The following ANO4 variants were observed in gnomAD, a reference collection of about 807,000 sequenced individuals.
The protein encoded by ANO4 is anoctamin-4.
A neutral mutation model predicts 141.9 loss-of-function variants in ANO4; 69 were observed. The observed-to-expected ratio is 0.49, with a 90% CI of 0.40 to 0.59. The LOEUF (loss-of-function observed/expected upper bound fraction) is 0.59. Ranked by LOEUF, ANO4 falls within the 20% of genes least tolerant of loss-of-function variation. The pLI is 0.00. For missense variants in ANO4, 894 were observed against 1,162.2 expected (o/e 0.77, Z 3.36); for synonymous variants, 350 against 394.3 (o/e 0.89, Z 1.33).
At chr12:101,079,142 C>CT in intron 14 of ANO4, 51 bp from the exon 15 acceptor site, 1 of 1,505,952 alleles carries the variant, frequency 6.6e-7, no homozygotes. Context: ...AGTTAAGAGC[C>CT]TTGTTTTACT....
chr12:100,905,487 T>A (rs1221386826), intron 2 of ANO4, among the ~76,000 whole-genome samples: 2 of 152,220 alleles, frequency 1.3e-5, no homozygotes, highest in African/African-American at 4.8e-5. Flanking sequence ...CTAAATGTTA[T>A]TGAAAGTCAA....
chr12:101,076,027 G>A (rs2049011577), intron 14 of ANO4, among the ~76,000 whole-genome samples: 1 of 152,140 alleles, frequency 6.6e-6, no homozygotes. Context: ...ACAAGGGAAT[G>A]GCAGTTGCAC....
intron 15 of ANO4, among the ~76,000 whole-genome samples, chr12:101,081,725 C>T (rs991469091): frequency 2.5e-4 from 38 of 152,136 alleles, no homozygotes; most frequent in African/African-American, 8.9e-4. Context: ...GCTAGAAGTC[C>T]AAGCCAAGGT....
intron 2 of ANO4, among the ~76,000 whole-genome samples, chr12:100,911,338 T>G (rs1418011754): frequency 1.3e-5 from 2 of 152,202 alleles, no homozygotes; most frequent in African/African-American, 4.8e-5. Context: ...TACTTTCTTC[T>G]TCACACAACT....
chr12:100,945,708 T>C (rs952319611), intron 5 of ANO4, among the ~76,000 whole-genome samples: 3 of 152,194 alleles, frequency 2.0e-5, no homozygotes, highest in Non-Finnish European at 4.4e-5. Flanking sequence ...TGAGTAACAG[T>C]TGTACTAATG....
chr12:100,864,437 C>G (rs1260313057), intron 1 of ANO4, among the ~76,000 whole-genome samples: 1 of 152,108 alleles, frequency 6.6e-6, no homozygotes, highest in East Asian at 1.9e-4. Flanking sequence ...TTTCTGATTC[C>G]TATCCAGAAT....
intron 2 of ANO4, among the ~76,000 whole-genome samples, chr12:100,915,066 C>T (rs1593743634): frequency 1.3e-5 from 2 of 152,106 alleles, no homozygotes; most frequent in African/African-American, 2.4e-5. Flanking sequence ...AGCAGTCCTC[C>T]TGGCTCAGCC....
At chr12:100,718,687 A>G (rs930063449) in intron 1 of ANO4, among the ~76,000 whole-genome samples, 6 of 152,086 alleles carry the variant, frequency 3.9e-5, no homozygotes, top group African/African-American at 1.4e-4. Context: ...GCAGATTACA[A>G]ATTTCAGTCT....
chr12:101,046,244 G>C (rs1358548229), intron 13 of ANO4, among the ~76,000 whole-genome samples: 3 of 152,266 alleles, frequency 2.0e-5, no homozygotes, highest in African/African-American at 7.2e-5. Context: ...ACTATGGAGT[G>C]AATGCCCCAG....
intron 3 of ANO4, among the ~76,000 whole-genome samples, chr12:100,922,843 CTCT>C (rs1219938458): frequency 6.6e-6 from 1 of 152,106 alleles, no homozygotes; most frequent in Non-Finnish European, 1.5e-5. Context: ...TCAAGGTTTG[CTCT>C]TCTTCGAGTA....
chr12:100,937,284 T>C (rs1445667119), intron 3 of ANO4, among the ~76,000 whole-genome samples: 1 of 152,138 alleles, frequency 6.6e-6, no homozygotes, highest in Non-Finnish European at 1.5e-5. Context: ...GGAACTTACA[T>C]TGTAATAAGG....
chr12:101,042,543 C>A, intron 12 of ANO4, 75 bp downstream of exon 12: 1 of 1,567,548 alleles, frequency 6.4e-7, no homozygotes, highest in Non-Finnish European at 8.7e-7. Flanking sequence ...GGGGTATTCA[C>A]AGATTGTGGA....
chr12:100,961,548 C>T (rs560638951), intron 5 of ANO4, among the ~76,000 whole-genome samples: 1 of 152,132 alleles, frequency 6.6e-6, no homozygotes, highest in Non-Finnish European at 1.5e-5. Context: ...TATCATGGCA[C>T]TAGCCGATAG....
In ANO4 at chr12:100,901,748, G is replaced by A. The variant is rs750422599; in HGVS notation, c.-38G>A. The A allele has an allele frequency of 4.4e-6, 7 of 1,602,580 alleles. No individual in the cohort carries two copies. The highest frequency in any genetic ancestry group is 6.0e-6 in the Non-Finnish European group (7 of 1,169,650). On this transcript the variant is annotated 5_prime_UTR_variant, in exon 2 of 28. Coordinates refer to ENST00000392977, the MANE Select transcript of ANO4 (RefSeq NM_001286615.2). ...TCACGTCGTCGCCTGCCTGTGGTCA[G>A]GCATTCCTCACTCCCACCAGGCAGA...
chr12:100,776,975 G>A (rs10778073), intron 3 of ANO4, among the ~76,000 whole-genome samples: 101,815 of 152,018 alleles, frequency 0.67, 34,276 homozygotes, highest in East Asian at 0.79. Context: ...TGGGTATTCA[G>A]TCCAGTTTTA....
At chr12:100,761,150 C>T (rs1318101475) in intron 3 of ANO4, among the ~76,000 whole-genome samples, 1 of 152,098 alleles carries the variant, frequency 6.6e-6, no homozygotes, top group South Asian at 2.1e-4. Flanking sequence ...GTATTTCCCC[C>T]ACTCCAAGCA....
At chr12:100,844,267 T>C (rs934807564) in intron 1 of ANO4, among the ~76,000 whole-genome samples, 6 of 152,056 alleles carry the variant, frequency 3.9e-5, no homozygotes, top group Non-Finnish European at 8.8e-5. Context: ...AGAATGATGA[T>C]AAGTTTCAGA....
intron 16 of ANO4, among the ~76,000 whole-genome samples, chr12:101,085,535 T>A (rs1464430103): frequency 1.3e-5 from 2 of 152,198 alleles, no homozygotes; most frequent in Non-Finnish European, 2.9e-5. Context: ...GTGTACAGGT[T>A]ATATGCAAAT....
intron 1 of ANO4, among the ~76,000 whole-genome samples, chr12:100,832,362 T>C (rs2036677066): frequency 6.6e-6 from 1 of 152,110 alleles, no homozygotes. Context: ...GGATGGGTAT[T>C]GGCAGGTGTT....
Sources: allele counts gnomAD v4.1 joint callset (sites outside exome capture counted in the v4.1 genomes callset), GRCh38; gene constraint gnomAD v4.1.1; transcripts MANE v1.5; gene names NCBI Gene and HGNC (gene_info 2026-07-23, HGNC 2026-07-21).